SNRNP70: variants seen among roughly 807,000 people sequenced by gnomAD.
The protein encoded by SNRNP70 is U1 small nuclear ribonucleoprotein 70 kDa.
SNRNP70 carries 8 observed loss-of-function variants against 50.5 expected under a neutral mutation model. The observed-to-expected ratio is 0.16, with a 90% CI of 0.09 to 0.29. The LOEUF (loss-of-function observed/expected upper bound fraction) is 0.29. Ranked by LOEUF, SNRNP70 falls within the 10% of genes least tolerant of loss-of-function variation. The pLI is 1.00. For missense variants in SNRNP70, 529 were observed against 663.5 expected, an observed-to-expected ratio of 0.80 and a Z score of 2.23; for synonymous variants, 320 against 252.9, an observed-to-expected ratio of 1.27 and a Z score of -2.52.
Position 49,108,301 on chromosome 19 carries a change from A to G in SNRNP70, c.1172A>G (p.Glu391Gly). The G allele has an allele frequency of 6.3e-7, 1 of 1,580,490 alleles. No individual in the cohort carries two copies. Among genetic ancestry groups the G allele is most frequent in the Non-Finnish European group, 8.6e-7 (1 of 1,164,508 alleles). Residue 391 changes from glutamate to glycine, a missense_variant, in exon 10 of 10, where the codon GAG becomes GGG. Coordinates refer to ENST00000598441, the MANE Select transcript of SNRNP70 (RefSeq NM_003089.6). Reference sequence around the variant, plus strand: ...CGGGGCAGTGAGCGGGGCAGGGATGAGGCCCGAGGTGGGGGCGGTGGCCAG... The same window carrying G: ...CGGGGCAGTGAGCGGGGCAGGGATGGGGCCCGAGGTGGGGGCGGTGGCCAG... ...GERGSERGRDEARGGGGGQDN... is the reference protein window; with the variant it reads ...GERGSERGRDGARGGGGGQDN...
Position 49,085,452 on chromosome 19 carries a change from G to C in SNRNP70, c.-195G>C. On this transcript the variant is annotated 5_prime_UTR_variant, in exon 1 of 10. Transcript: ENST00000598441. The stretch of plus-strand genomic sequence containing the variant: ...CGGCCGGGACCCACCCCCTGCTCCA[G>C]TCGCTATCGGAGGCCGCGCGGGTGG... 1 of 421,232 alleles carries C rather than the reference G, an allele frequency of 2.4e-6. No homozygotes were observed. Among genetic ancestry groups the C allele is most frequent in the South Asian group, 1.7e-5 (1 of 59,040 alleles). 26.1% of individuals were successfully genotyped at this position (421,232 alleles called of 1,614,324 possible). A position where few individuals can be genotyped will look rare whatever the true frequency, so the allele number is the denominator to read the frequency against.
intron 4 of SNRNP70, 52 bp downstream of exon 4, chr19:49,090,572 T>A (rs1026744163): frequency 5.2e-6 from 8 of 1,549,406 alleles, no homozygotes; most frequent in Non-Finnish European, 7.1e-6. Context: ...CCCTCTGTAT[T>A]CTTCCCAGGT....
rs748579727 is a variant in SNRNP70 at position 49,108,460 on chromosome 19, A to G, written c.*17A>G. 1.1e-5 allele frequency: 17 copies of G among 1,579,536 alleles called. No homozygotes were observed. In the South Asian group the frequency reaches 1.3e-4, roughly 12 times the overall value. On this transcript the variant is annotated 3_prime_UTR_variant, in exon 10 of 10. Coordinates refer to ENST00000598441, the MANE Select transcript of SNRNP70 (RefSeq NM_003089.6). Reference sequence around the variant, plus strand: ...CCGGAGTGAAGAGGTCGTCCTCTCCATCTGCTGTGTTTGGACGCGTTCCTG... The same window carrying G: ...CCGGAGTGAAGAGGTCGTCCTCTCCGTCTGCTGTGTTTGGACGCGTTCCTG...
At chr19:49,102,101 A>G (rs2122376145) in intron 7 of SNRNP70, 1 of 1,270,400 alleles carries the variant, frequency 7.9e-7, no homozygotes, top group Non-Finnish European at 1.0e-6. Context: ...GACTGTTCTT[A>G]TTGTCACTGC....
chr19:49,094,663 G>A (rs1194853569), intron 4 of SNRNP70, among the ~76,000 whole-genome samples: 3 of 152,168 alleles, frequency 2.0e-5, no homozygotes, highest in Non-Finnish European at 2.9e-5. Flanking sequence ...AGTTCAGTAG[G>A]GTTTCTGTGC....
chr19:49,091,317 CGG>C, intron 4 of SNRNP70, among the ~76,000 whole-genome samples: 1 of 147,344 alleles, frequency 6.8e-6, no homozygotes, highest in Non-Finnish European at 1.5e-5. Flanking sequence ...TGCAGTGAGC[CGG>C]GATCGCGTCG....
intron 2 of SNRNP70, 119 bp from the exon 3 acceptor site, chr19:49,090,172 G>A: frequency 1.2e-6 from 1 of 822,874 alleles, no homozygotes; most frequent in East Asian, 2.6e-5. Context: ...AAGTGTGCGT[G>A]GATGTTTATT....
intron 2 of SNRNP70, among the ~76,000 whole-genome samples, chr19:49,088,772 G>C (rs1204743137): frequency 1.3e-5 from 2 of 152,196 alleles, no homozygotes; most frequent in Non-Finnish European, 2.9e-5. Flanking sequence ...TGGGATTACA[G>C]GCATGAGCCA....
chr19:49,104,271 G>A lies in SNRNP70; in HGVS notation c.476-363G>A. On this transcript the variant is annotated intron_variant, in intron 7 of 9. Coordinates refer to ENST00000598441, the MANE Select transcript of SNRNP70 (RefSeq NM_003089.6). This position sits in a 1 kb window ranked among gnomAD's most constrained non-coding sequence, Gnocchi z 5.4. Reference sequence around the variant, plus strand: ...GAGGAGCCCCCTCCCCCACAGCAGAGTCCAGCGTGGAGTTAACCTTCAGTT... The same window carrying A: ...GAGGAGCCCCCTCCCCCACAGCAGAATCCAGCGTGGAGTTAACCTTCAGTT... 4.4e-6 allele frequency: 1 copy of A among 225,098 alleles called. No homozygotes were observed. Among genetic ancestry groups the A allele is most frequent in the Admixed American group, 5.8e-5 (1 of 17,174 alleles). 13.9% of individuals were successfully genotyped at this position (225,098 alleles called of 1,614,324 possible). A position where few individuals can be genotyped will look rare whatever the true frequency, so the allele number is the denominator to read the frequency against.
chr19:49,090,402 T>G (rs1182078497), intron 3 of SNRNP70, 49 bp downstream of exon 3: 5 of 1,613,170 alleles, frequency 3.1e-6, no homozygotes, highest in Non-Finnish European at 4.2e-6. Context: ...TGTCTCCAGA[T>G]GATCCTTGAC....
intron 2 of SNRNP70, among the ~76,000 whole-genome samples, chr19:49,089,244 CA>C (rs1178657929): frequency 6.6e-6 from 1 of 152,130 alleles, no homozygotes; most frequent in African/African-American, 2.4e-5. Context: ...ACTAAAAATG[CA>C]AAAACTAGCC....
rs558694720 is a variant in SNRNP70 at position 49,086,246 on chromosome 19, C to T, written c.-10-159C>T. Among the ~76,000 whole-genome samples the T allele has an allele frequency of 2.6e-5, 4 of 152,310 alleles. No homozygotes were observed. The South Asian group carries it at 6.2e-4, about 24-fold the overall frequency. On this transcript the variant is annotated intron_variant, in intron 1 of 9. Transcript: ENST00000598441. Reference sequence around the variant, plus strand: ...CACCTCCACCCCCACCAAGACGTACCCTTTTCTCCGCAACACAGGACTGTT... The same window carrying T: ...CACCTCCACCCCCACCAAGACGTACTCTTTTCTCCGCAACACAGGACTGTT...
intron 1 of SNRNP70, 24 bp from the exon 2 acceptor site, chr19:49,086,381 A>C (rs759858367): frequency 6.2e-7 from 1 of 1,606,046 alleles, no homozygotes; most frequent in Non-Finnish European, 8.5e-7. Flanking sequence ...ATCTAACCTA[A>C]GGCTGTCCTG....
chr19:49,086,646 C>G lies in SNRNP70; in HGVS notation c.147+85C>G, dbSNP rs1047396867. On this transcript the variant is annotated intron_variant, in intron 2 of 9. Coordinates refer to ENST00000598441, the MANE Select transcript of SNRNP70 (RefSeq NM_003089.6). ...GCGAGTCCAGCTTCTGGCCATTTTGCCAGCTGCGTGATTTAAGCGAGGGGC... is the reference window on the plus strand; with the variant it reads ...GCGAGTCCAGCTTCTGGCCATTTTGGCAGCTGCGTGATTTAAGCGAGGGGC... The G allele has an allele frequency of 2.3e-6, 3 of 1,292,796 alleles. No homozygotes were observed. In the African/African-American group the frequency reaches 4.4e-5, roughly 19 times the overall value. The allele number at this position is 1,292,796 out of a possible 1,614,324, so 80.1% of individuals were successfully genotyped here. A position where few individuals can be genotyped will look rare whatever the true frequency, so the allele number is the denominator to read the frequency against.
At chr19:49,096,033 A>G (rs2040508624) in intron 4 of SNRNP70, among the ~76,000 whole-genome samples, 1 of 149,820 alleles carries the variant, frequency 6.7e-6, no homozygotes, top group Non-Finnish European at 1.5e-5. Flanking sequence ...AGAAAATTAC[A>G]ACGCTCAGGG....
chr19:49,086,677 C>G (rs1451327994), intron 2 of SNRNP70, 116 bp downstream of exon 2: 1 of 917,884 alleles, frequency 1.1e-6, no homozygotes, highest in East Asian at 2.5e-5. Context: ...GGGGCTTAAC[C>G]TTTGTGATCC....
chr19:49,108,466 T>C lies in SNRNP70; in HGVS notation c.*23T>C, dbSNP rs1260780666. On this transcript the variant is annotated 3_prime_UTR_variant, in exon 10 of 10. Transcript: ENST00000598441. ...TGAAGAGGTCGTCCTCTCCATCTGC[T>C]GTGTTTGGACGCGTTCCTGCCCAGC... 2.5e-6 allele frequency: 4 copies of C among 1,573,244 alleles called. No individual in the cohort carries two copies. Among genetic ancestry groups the C allele is most frequent in the Non-Finnish European group, 3.4e-6 (4 of 1,160,628 alleles).
intron 4 of SNRNP70, among the ~76,000 whole-genome samples, chr19:49,094,946 G>T (rs148942360): frequency 2.6e-5 from 4 of 152,190 alleles, no homozygotes; most frequent in African/African-American, 7.2e-5. Context: ...ACCCACTTCC[G>T]TTGAGTCTCT....
chr19:49,106,654 G>A (rs2040673088), intron 8 of SNRNP70, among the ~76,000 whole-genome samples: 1 of 152,208 alleles, frequency 6.6e-6, no homozygotes, highest in Non-Finnish European at 1.5e-5. Context: ...CGCTTGAGAA[G>A]GCAGGTTTTG....
Sources: gnomAD v4.1 joint callset for allele counts (sites outside exome capture counted in the v4.1 genomes callset) on GRCh38, gnomAD v4.1.1 for gene constraint, Gnocchi (gnomAD v3.1) non-coding constraint, MANE v1.5 for transcripts, NCBI Gene and HGNC (gene_info 2026-07-23, HGNC 2026-07-21) for gene names.